The following AKAP19 variants were observed in gnomAD, a reference collection of about 807,000 sequenced individuals.
AKAP19 encodes small A-kinase anchoring protein.
the AKAP19 span, among the ~76,000 whole-genome samples, chr2:190,070,213 C>T: frequency 6.6e-6 from 1 of 152,070 alleles, no homozygotes; most frequent in Non-Finnish European, 1.5e-5. Context: ...TTAATGTCTA[C>T]TGACTAAATG....
chr2:190,160,071 T>C, the AKAP19 span, among the ~76,000 whole-genome samples: 1 of 152,238 alleles, frequency 6.6e-6, no homozygotes, highest in Non-Finnish European at 1.5e-5. Context: ...ATATAAGTTA[T>C]GAGCATTTTA....
the AKAP19 span, among the ~76,000 whole-genome samples, chr2:190,194,385 A>G: frequency 6.6e-6 from 1 of 151,578 alleles, no homozygotes; most frequent in South Asian, 2.1e-4. Context: ...TAGTGGGTGT[A>G]TTTTTTAAAA....
the AKAP19 span, among the ~76,000 whole-genome samples, chr2:190,190,977 C>G: frequency 6.6e-6 from 1 of 152,086 alleles, no homozygotes; most frequent in Non-Finnish European, 1.5e-5. Context: ...TCATCTGTCC[C>G]TATAGTTTTG....
chr2:190,132,074 C>CA, the AKAP19 span, among the ~76,000 whole-genome samples: 2 of 151,442 alleles, frequency 1.3e-5, no homozygotes, highest in Non-Finnish European at 3.0e-5. Flanking sequence ...AAATAGCTAC[C>CA]AAAAAAATAG....
chr2:190,177,764 G>A, the AKAP19 span, among the ~76,000 whole-genome samples: 10 of 152,198 alleles, frequency 6.6e-5, no homozygotes, highest in Admixed American at 2.6e-4. The surrounding 1 kb of genome is among the most constrained non-coding windows in gnomAD (Gnocchi z 4.6). Flanking sequence ...GAGTATGTGA[G>A]TGCCTTGATT....
At chr2:189,973,927 C>T in the AKAP19 span, among the ~76,000 whole-genome samples, 4 of 151,962 alleles carry the variant, frequency 2.6e-5, no homozygotes, top group African/African-American at 9.7e-5. Context: ...TTTCAAAAAA[C>T]CAACTCCTGG....
the AKAP19 span, among the ~76,000 whole-genome samples, chr2:190,006,622 G>A: frequency 7.8e-6 from 1 of 127,408 alleles, no homozygotes; most frequent in African/African-American, 3.1e-5. Flanking sequence ...CTGGGCGACA[G>A]AACGAGACTC....
the AKAP19 span, among the ~76,000 whole-genome samples, chr2:190,099,307 A>G: frequency 6.6e-6 from 1 of 152,194 alleles, no homozygotes; most frequent in Non-Finnish European, 1.5e-5. Flanking sequence ...AGCCACTTAA[A>G]GACCATCGTA....
the AKAP19 span, among the ~76,000 whole-genome samples, chr2:189,957,930 A>T: frequency 6.6e-6 from 1 of 152,050 alleles, no homozygotes; most frequent in Non-Finnish European, 1.5e-5. Flanking sequence ...AGTAGCAGGG[A>T]CTACAGACGT....
At chr2:189,950,618 AAGCT>A in the AKAP19 span, among the ~76,000 whole-genome samples, 5 of 152,248 alleles carry the variant, frequency 3.3e-5, no homozygotes, top group African/African-American at 1.2e-4. Context: ...TTACTTTTAA[AAGCT>A]AGCCTTTGTT....
the AKAP19 span, among the ~76,000 whole-genome samples, chr2:190,133,737 C>T: frequency 6.6e-6 from 1 of 152,096 alleles, no homozygotes; most frequent in East Asian, 1.9e-4. Context: ...AAGCCAGGCA[C>T]AGAAACACAA....
chr2:190,144,951 C>T, the AKAP19 span, among the ~76,000 whole-genome samples: 4 of 151,782 alleles, frequency 2.6e-5, no homozygotes, highest in Non-Finnish European at 2.9e-5. Context: ...CACTCCACTC[C>T]TGGACAACAA....
chr2:190,061,703 CAAAATT>C, the AKAP19 span, among the ~76,000 whole-genome samples: 2 of 151,906 alleles, frequency 1.3e-5, no homozygotes, highest in Non-Finnish European at 1.5e-5. Context: ...TAATAGCTCT[CAAAATT>C]AAATTTTTAA....
the AKAP19 span, among the ~76,000 whole-genome samples, chr2:190,128,189 C>A: frequency 2.0e-5 from 3 of 152,232 alleles, no homozygotes; most frequent in African/African-American, 7.2e-5. Context: ...AGTGAAATAG[C>A]AGTTTTCATT....
At chr2:190,118,249 CA>C in the AKAP19 span, among the ~76,000 whole-genome samples, 1 of 152,050 alleles carries the variant, frequency 6.6e-6, no homozygotes, top group Admixed American at 6.5e-5. Context: ...AAAAAAAGTC[CA>C]AGACCAGACA....
chr2:190,174,847 T>C, the AKAP19 span, among the ~76,000 whole-genome samples: 1 of 152,188 alleles, frequency 6.6e-6, no homozygotes, highest in Non-Finnish European at 1.5e-5. Context: ...TTATAGAAGC[T>C]TGGATTCATG....
At chr2:189,976,890 C>A in the AKAP19 span, among the ~76,000 whole-genome samples, 816 of 152,302 alleles carry the variant, frequency 5.4e-3, 3 homozygotes, top group Non-Finnish European at 8.0e-3. Flanking sequence ...CTTCCCTTGG[C>A]TAGGAAAGGG....
chr2:190,143,915 G>A, the AKAP19 span, among the ~76,000 whole-genome samples: 51 of 146,378 alleles, frequency 3.5e-4, no homozygotes, highest in South Asian at 2.5e-3. Context: ...GTAAACTATC[G>A]CAAGAACAAA....
chr2:190,025,621 C>G, the AKAP19 span, among the ~76,000 whole-genome samples: 17 of 152,288 alleles, frequency 1.1e-4, no homozygotes, highest in Admixed American at 2.6e-4. Context: ...GAAGCCACAG[C>G]CAATGACTGA....
Sources: allele counts gnomAD v4.1 joint callset (sites outside exome capture counted in the v4.1 genomes callset), GRCh38; gene constraint gnomAD v4.1.1; non-coding constraint Gnocchi (gnomAD v3.1); transcripts MANE v1.5; gene names NCBI Gene and HGNC (gene_info 2026-07-23, HGNC 2026-07-21).